Variants in DTD1 observed in about 807,000 individuals in gnomAD.
DTD1 encodes the protein D-tyrosyl-tRNA deacylase 1 homolog.
In DTD1, 13 loss-of-function variants were observed where a neutral mutation model predicts 25.6. The observed-to-expected ratio is 0.51, with a 90% confidence interval of 0.33 to 0.81. The LOEUF is 0.81. Among genes scored for constraint, DTD1 ranks in the 30% least tolerant of loss-of-function variants. DTD1 has a pLI of 0.02. For synonymous variants in DTD1, 110 were observed against 103.6 expected (o/e 1.06, Z -0.37); for missense variants, 193 against 266.4 (o/e 0.72, Z 1.92).
At chr20:18,619,528 G>A (rs2060724469) in intron 3 of DTD1, among the ~76,000 whole-genome samples, 3 of 151,948 alleles carry the variant, frequency 2.0e-5, no homozygotes, top group Non-Finnish European at 4.4e-5. Context: ...GGGTTCACAC[G>A]ATTCTCCTGC....
At chr20:18,594,655 T>G (rs537754515) in intron 2 of DTD1, among the ~76,000 whole-genome samples, 2 of 152,326 alleles carry the variant, frequency 1.3e-5, no homozygotes, top group South Asian at 4.1e-4. Flanking sequence ...TTGTGTTAGA[T>G]TGAAAATCAG....
chr20:18,641,736 G>A (rs895677240), intron 4 of DTD1, among the ~76,000 whole-genome samples: 1 of 152,070 alleles, frequency 6.6e-6, no homozygotes, highest in Non-Finnish European at 1.5e-5. Context: ...TTGAATTGCA[G>A]AAGTTCTTTA....
At chr20:18,638,868 G>T (rs1239861010) in intron 4 of DTD1, among the ~76,000 whole-genome samples, 1 of 152,112 alleles carries the variant, frequency 6.6e-6, no homozygotes, top group Non-Finnish European at 1.5e-5. Flanking sequence ...ACACTTTGGA[G>T]GCCCTCAACC....
chr20:18,682,405 A>G (rs1319207157), intron 4 of DTD1, among the ~76,000 whole-genome samples: 3 of 152,164 alleles, frequency 2.0e-5, no homozygotes, highest in Admixed American at 1.3e-4. Flanking sequence ...CACAGTATCT[A>G]TTGTTTTAAT....
intron 4 of DTD1, among the ~76,000 whole-genome samples, chr20:18,717,196 C>A (rs2061184339): frequency 6.6e-6 from 1 of 152,168 alleles, no homozygotes. Context: ...GATGACTGCT[C>A]ACGGGAGATA....
At chr20:18,594,654 A>T (rs1342021369) in intron 2 of DTD1, among the ~76,000 whole-genome samples, 2 of 152,198 alleles carry the variant, frequency 1.3e-5, no homozygotes, top group Non-Finnish European at 2.9e-5. Context: ...TTTGTGTTAG[A>T]TTGAAAATCA....
chr20:18,758,524 T>A (rs1226781453), intron 5 of DTD1, among the ~76,000 whole-genome samples: 1 of 152,238 alleles, frequency 6.6e-6, no homozygotes, highest in Non-Finnish European at 1.5e-5. Flanking sequence ...TTCATTTCCT[T>A]GTGTACCCAG....
At position 18,622,942 on chromosome 20, in the gene DTD1, AT is replaced by A. The variant is rs771564529; in HGVS notation, c.371-5173del. ...ACTTATTAGAAGACAATTTTATAGA[AT>A]TTTTTTTTTTTGTCTGAGATGGAGT... On this transcript the variant is annotated intron_variant, in intron 3 of 5. Coordinates refer to ENST00000377452, the MANE Select transcript of DTD1 (RefSeq NM_080820.6). Among the ~76,000 whole-genome samples, 75 of 129,652 alleles carry A rather than the reference AT, an allele frequency of 5.8e-4. 1 individual carries two copies. The highest frequency in any genetic ancestry group is 5.8e-4 in the Admixed American group (7 of 12,106). 85.1% of individuals were successfully genotyped at this position (129,652 alleles called of 152,430 possible). A position where few individuals can be genotyped will look rare whatever the true frequency, so the allele number is the denominator to read the frequency against.
At chr20:18,624,723 C>T (rs1373790914) in intron 3 of DTD1, among the ~76,000 whole-genome samples, 2 of 152,092 alleles carry the variant, frequency 1.3e-5, no homozygotes, top group Non-Finnish European at 2.9e-5. Flanking sequence ...TGTCAAGGAC[C>T]CCAGCAGGGC....
At chr20:18,708,734 G>A (rs115210813) in intron 4 of DTD1, among the ~76,000 whole-genome samples, 4,332 of 152,058 alleles carry the variant, frequency 0.028, 219 homozygotes, top group African/African-American at 0.1. Flanking sequence ...AGTTCAGGGC[G>A]GGCAGTGGTC....
chr20:18,681,821 G>T (rs1226292636), intron 4 of DTD1, among the ~76,000 whole-genome samples: 1 of 152,160 alleles, frequency 6.6e-6, no homozygotes, highest in African/African-American at 2.4e-5. Flanking sequence ...TAGAAATTTG[G>T]ATCTACATAT....
At chr20:18,758,234 A>G (rs1161843260) in intron 5 of DTD1, among the ~76,000 whole-genome samples, 1 of 151,972 alleles carries the variant, frequency 6.6e-6, no homozygotes, top group East Asian at 1.9e-4. Context: ...TCCTGGATTC[A>G]TTGATTTTTT....
intron 4 of DTD1, among the ~76,000 whole-genome samples, chr20:18,677,973 T>A (rs2060982864): frequency 6.6e-6 from 1 of 152,040 alleles, no homozygotes; most frequent in Non-Finnish European, 1.5e-5. Flanking sequence ...TCTACAACAC[T>A]GCACACCTTG....
intron 4 of DTD1, chr20:18,674,460 A>G (rs974718292): frequency 2.6e-5 from 4 of 152,264 alleles, no homozygotes; most frequent in African/African-American, 9.6e-5. Flanking sequence ...AAATGAACTT[A>G]AAGGTACATC....
chr20:18,661,512 C>T (rs1205155311), intron 4 of DTD1, among the ~76,000 whole-genome samples: 1 of 151,934 alleles, frequency 6.6e-6, no homozygotes, highest in Non-Finnish European at 1.5e-5. Flanking sequence ...GCTGGGACTA[C>T]AGGTGCCCGC....
At chr20:18,667,662 A>ACT (rs76642722) in intron 4 of DTD1, among the ~76,000 whole-genome samples, 12,185 of 152,208 alleles carry the variant, frequency 0.08, 668 homozygotes, top group East Asian at 0.26. Flanking sequence ...ACTTTCAGCA[A>ACT]CTATGACATG....
chr20:18,732,289 G>T (rs906283186), intron 4 of DTD1, among the ~76,000 whole-genome samples: 1 of 152,154 alleles, frequency 6.6e-6, no homozygotes, highest in Non-Finnish European at 1.5e-5. Flanking sequence ...TACCAATTAT[G>T]CATTGGAATA....
chr20:18,630,440 AG>A (rs2060781340), intron 4 of DTD1: 1 of 151,934 alleles, frequency 6.6e-6, no homozygotes, highest in South Asian at 2.1e-4. Flanking sequence ...GTTCATTGCA[AG>A]CTCCACCTCC....
At chr20:18,744,649 CAAAAAA>C (rs2061293051) in intron 5 of DTD1, among the ~76,000 whole-genome samples, 1 of 130,930 alleles carries the variant, frequency 7.6e-6, no homozygotes, top group Non-Finnish European at 1.6e-5. Flanking sequence ...AAAAAAAAAA[CAAAAAA>C]CAAGTGAAAG....
Sources: allele counts gnomAD v4.1 joint callset (sites outside exome capture counted in the v4.1 genomes callset), GRCh38; gene constraint gnomAD v4.1.1; transcripts MANE v1.5; gene names NCBI Gene and HGNC (gene_info 2026-07-23, HGNC 2026-07-21).